LAMA5: variants seen among roughly 807,000 people sequenced by gnomAD.
LAMA5 encodes the protein laminin subunit alpha-5.
Under a neutral mutation model 433.4 loss-of-function variants are expected in LAMA5, and 260 were observed. That is an observed-to-expected ratio of 0.60 (90% CI 0.54 to 0.66). The LOEUF (loss-of-function observed/expected upper bound fraction) is 0.66, where lower values mean the gene tolerates loss of function less well. LAMA5 is among the 30% of genes least tolerant of loss of function. The probability of loss-of-function intolerance (pLI) is 0.00; values close to 1 mark genes in which losing one functional copy is unlikely to be tolerated. For synonymous variants in LAMA5, 2,620 were observed against 2,226.6 expected, an observed-to-expected ratio of 1.18 and a Z score of -4.97; for missense variants, 5,378 against 5,258.5, an observed-to-expected ratio of 1.02 and a Z score of -0.70.
At position 62,331,084 on chromosome 20, in the gene LAMA5, C is replaced by A. The variant is rs757663343; in HGVS notation, c.3598G>T (p.Val1200Leu). Residue 1200 changes from valine to leucine, a missense_variant, in exon 29 of 80, where the codon GTG (valine) becomes TTG (leucine). Coordinates refer to ENST00000252999, the MANE Select transcript of LAMA5 (RefSeq NM_005560.6). ...VPIEEFSPEF[V>L]EPRVSCISSH... The stretch of plus-strand genomic sequence containing the variant: ...CTGATGCAGCTGACCCGGGGCTCCA[C>A]GAACTCCGGGCTGAACTCCTCAATG... 5 of 1,604,190 alleles carry A rather than the reference C, an allele frequency of 3.1e-6. No individual in the cohort carries two copies. In the Admixed American group the frequency reaches 6.8e-5, roughly 22 times the overall value.
chr20:62,325,903 C>T (rs1328516497), intron 40 of LAMA5, among the ~76,000 whole-genome samples: 1 of 152,198 alleles, frequency 6.6e-6, no homozygotes, highest in African/African-American at 2.4e-5. Context: ...AATTCAAGTA[C>T]ATTAACTATA....
intron 6 of LAMA5, among the ~76,000 whole-genome samples, chr20:62,349,380 A>C (rs1319089157): frequency 6.6e-6 from 1 of 151,674 alleles, no homozygotes; most frequent in Non-Finnish European, 1.5e-5. Flanking sequence ...GACCATAAAA[A>C]GTCCTGGAGA....
chr20:62,346,019 G>A (rs1983304616), intron 10 of LAMA5, 62 bp downstream of exon 10: 3 of 1,604,174 alleles, frequency 1.9e-6, no homozygotes, highest in Non-Finnish European at 2.6e-6. Context: ...TCCACCCCCT[G>A]CAGGGCTCCC....
intron 45 of LAMA5, 64 bp downstream of exon 45, chr20:62,323,392 A>AGCAGGCCTCCCTCCTCCCCGC: frequency 7.5e-7 from 1 of 1,332,768 alleles, no homozygotes; most frequent in East Asian, 2.5e-5. Flanking sequence ...GGGTACGCCC[A>AGCAGGCCTCCCTCCTCCCCGC]GCAGGCCTCC....
Position 62,310,668 on chromosome 20 carries a change from A to T in LAMA5, c.10443T>A (p.Leu3481=). ...GCTGGGGCAAGATGGTTCTCACCGGAAGTTTGGAGCTGTGGCTGCTGGCCG... is the reference window on the plus strand; with the variant it reads ...GCTGGGGCAAGATGGTTCTCACCGGTAGTTTGGAGCTGTGGCTGCTGGCCG... ...GLPASSHSSK[L]PVTVGFSGCV... Residue 3481 remains leucine, a synonymous_variant, in exon 75 of 80, where the codon CTT becomes CTA. Coordinates refer to ENST00000252999, the MANE Select transcript of LAMA5 (RefSeq NM_005560.6). 1 of 1,602,780 alleles carries T rather than the reference A, an allele frequency of 6.2e-7. No homozygotes were observed. The highest frequency in any genetic ancestry group is 8.5e-7 in the Non-Finnish European group (1 of 1,178,356).
At chr20:62,360,259 A>G (rs1349596436) in intron 2 of LAMA5, among the ~76,000 whole-genome samples, 1 of 123,608 alleles carries the variant, frequency 8.1e-6, no homozygotes, top group Non-Finnish European at 1.7e-5. Context: ...GAATGAGCAG[A>G]CAGGTGGACA....
At chr20:62,317,590 A>G in intron 54 of LAMA5, 72 bp downstream of exon 54, 1 of 1,519,304 alleles carries the variant, frequency 6.6e-7, no homozygotes, top group Non-Finnish European at 8.9e-7. Flanking sequence ...GTGTGCACAC[A>G]AAGCTGCCCA....
chr20:62,334,394 T>C, intron 21 of LAMA5, 52 bp from the exon 22 acceptor site: 12 of 1,537,402 alleles, frequency 7.8e-6, no homozygotes, highest in Non-Finnish European at 1.1e-5. Context: ...TACCTAGCCC[T>C]GCACAGCGGC....
At position 62,333,156 on chromosome 20, in the gene LAMA5, G is replaced by A; in HGVS notation, c.3216C>T (p.Pro1072=). 1 of 1,516,050 alleles carries A rather than the reference G, an allele frequency of 6.6e-7. No homozygotes were observed. The highest frequency in any genetic ancestry group is 8.8e-7 in the Non-Finnish European group (1 of 1,134,394). The allele number at this position is 1,516,050 out of a possible 1,614,324, so 93.9% of individuals were successfully genotyped here. Residue 1072 remains proline, a synonymous_variant, in exon 26 of 80, where the codon CCC becomes CCT. Transcript: ENST00000252999. Reference sequence around the variant, plus strand: ...TGAGCTGCTCCGTGGGGCAGGGCCGGGGCAGGCTGTTGTCCTGGCGACACA... The same window carrying A: ...TGAGCTGCTCCGTGGGGCAGGGCCGAGGCAGGCTGTTGTCCTGGCGACACA... ...EALCRQDNSL[P]RPCPTEQLSP... is the part of the protein sequence containing the mutation.
chr20:62,329,820 A>G lies in LAMA5; in HGVS notation c.4076T>C (p.Leu1359Pro), dbSNP rs754035148. Residue 1359 changes from leucine to proline, a missense_variant, in exon 32 of 80, where the codon CTC (leucine) becomes CCC (proline). Physicochemically the swap from Leu to Pro is moderately conservative, Grantham distance 98 (BLOSUM62 -3). Coordinates refer to ENST00000252999, the MANE Select transcript of LAMA5 (RefSeq NM_005560.6). The stretch of plus-strand genomic sequence containing the variant: ...CTTGGGCACACGCACGGTCACAGTG[A>G]GCTCGCTGTGGGTCACGTCCAGCAG... ...QALLDVTHSE[L>P]TVTVRVPKGR... 21 of 1,612,360 alleles carry G rather than the reference A, an allele frequency of 1.3e-5. No homozygotes were observed. Among genetic ancestry groups the G allele is most frequent in the Non-Finnish European group, 1.8e-5 (21 of 1,179,802 alleles).
intron 1 of LAMA5, among the ~76,000 whole-genome samples, chr20:62,366,544 C>A (rs946734831): frequency 6.6e-5 from 10 of 152,220 alleles, no homozygotes; most frequent in Non-Finnish European, 1.2e-4. Flanking sequence ...ATCCAGAGGC[C>A]AACAGGTTCC....
At chr20:62,332,275 G>A in intron 28 of LAMA5, 97 bp downstream of exon 28, 1 of 863,076 alleles carries the variant, frequency 1.2e-6, no homozygotes, top group Non-Finnish European at 1.9e-6. Context: ...GCCGCCTTGG[G>A]GACCTGGGAC....
intron 1 of LAMA5, among the ~76,000 whole-genome samples, chr20:62,363,309 G>A (rs908219726): frequency 6.6e-6 from 1 of 152,210 alleles, no homozygotes; most frequent in African/African-American, 2.4e-5. Flanking sequence ...AAGAGGCCAA[G>A]TCACAGTAAC....
In LAMA5 at chr20:62,322,723, C is replaced by G; in HGVS notation, c.6100G>C (p.Asp2034His). Residue 2034 changes from aspartate to histidine, a missense_variant, in exon 46 of 80, where the codon GAC becomes CAC. Coordinates refer to ENST00000252999, the MANE Select transcript of LAMA5 (RefSeq NM_005560.6). ...CACAGGCAGTGCCCGCTGTGGGGGT[C>G]GCAGGCCTCTGTCCCACATGGGGTA... is the stretch of plus-strand genomic sequence containing the variant. The part of the protein sequence containing the change: ...DCTPCGTEAC[D>H]PHSGHCLCKA... 6.5e-7 allele frequency: 1 copy of G among 1,533,560 alleles called. No individual in the cohort carries two copies. The highest frequency in any genetic ancestry group is 8.8e-7 in the Non-Finnish European group (1 of 1,141,384). 95.0% of individuals were successfully genotyped at this position (1,533,560 alleles called of 1,614,324 possible). A position where few individuals can be genotyped will look rare whatever the true frequency, so the allele number is the denominator to read the frequency against.
intron 11 of LAMA5, among the ~76,000 whole-genome samples, chr20:62,338,831 G>A (rs768762463): frequency 6.6e-6 from 1 of 152,218 alleles, no homozygotes; most frequent in African/African-American, 2.4e-5. Context: ...GAGGTCAAGA[G>A]TTCGAGACCA....
intron 1 of LAMA5, 77 bp from the exon 2 acceptor site, chr20:62,362,629 C>A (rs1986268383): frequency 7.7e-7 from 1 of 1,296,334 alleles, no homozygotes; most frequent in South Asian, 1.7e-5. Flanking sequence ...CCCTGCTGCC[C>A]CGAGACAAGT....
At position 62,343,363 on chromosome 20, in the gene LAMA5, G is replaced by A. The variant is rs188541688; in HGVS notation, c.1477+2455C>T. Among the ~76,000 whole-genome samples the A allele has an allele frequency of 1.5e-3, 234 of 152,234 alleles. 1 individual carries two copies. Among genetic ancestry groups the A allele is most frequent in the East Asian group, 6.0e-3 (31 of 5,178 alleles). On this transcript the variant is annotated intron_variant, in intron 11 of 79. Transcript: ENST00000252999. ...CTACATCCGACTCAGCCAGAGATTC[G>A]GTAGAACAACGTGGGCAGATTCACC...
chr20:62,338,204 C>G lies in LAMA5; in HGVS notation c.1756+28G>C, dbSNP rs757412256. 3.8e-6 allele frequency: 6 copies of G among 1,575,848 alleles called. No individual in the cohort carries two copies. The African/African-American group carries it at 5.4e-5, about 14-fold the overall frequency. On this transcript the variant is annotated intron_variant, in intron 13 of 79. Transcript: ENST00000252999. ...GCCAGGCCCACGGGCCTCCCCTACCCACGCCCACGTGGAGAGGCACCACTC... is the reference window on the plus strand; with the variant it reads ...GCCAGGCCCACGGGCCTCCCCTACCGACGCCCACGTGGAGAGGCACCACTC...
At chr20:62,327,789 C>T (rs748160135) in intron 36 of LAMA5, 77 bp downstream of exon 36, 518 of 1,569,578 alleles carry the variant, frequency 3.3e-4, no homozygotes, top group Non-Finnish European at 4.4e-4. Flanking sequence ...CCCCAGCTGC[C>T]CCGAAAGGCC....
Sources: gnomAD v4.1 joint callset for allele counts (sites outside exome capture counted in the v4.1 genomes callset) on GRCh38, gnomAD v4.1.1 for gene constraint, MANE v1.5 for transcripts, NCBI Gene and HGNC (gene_info 2026-07-23, HGNC 2026-07-21) for gene names.